Variants in SLC43A1 observed in about 807,000 individuals in gnomAD.
SLC43A1 encodes large neutral amino acids transporter small subunit 3.
In SLC43A1, 31 loss-of-function variants were observed where a neutral mutation model predicts 59.5. The ratio of observed to expected loss-of-function variants is 0.52; its 90% CI spans 0.39 to 0.70. The LOEUF (loss-of-function observed/expected upper bound fraction) is 0.70, where lower values mean the gene tolerates loss of function less well. Ranked by LOEUF, SLC43A1 falls within the 30% of genes least tolerant of loss-of-function variation. SLC43A1 has a pLI of 0.00. For synonymous variants in SLC43A1, 259 were observed against 290.9 expected (o/e 0.89, Z 1.12); for missense variants, 598 against 717.8 (o/e 0.83, Z 1.91).
intron 2 of SLC43A1, among the ~76,000 whole-genome samples, chr11:57,501,905 T>A (rs993360550): frequency 1.3e-5 from 2 of 152,208 alleles, no homozygotes; most frequent in African/African-American, 4.8e-5. Context: ...GATAGTCTGA[T>A]AAAATAATAG....
intron 5 of SLC43A1, 146 bp from the exon 6 acceptor site, chr11:57,497,991 A>AC (rs2135181688): frequency 1.7e-6 from 1 of 600,478 alleles, no homozygotes; most frequent in East Asian, 2.8e-5. Context: ...GGGAAACTGT[A>AC]CTCTGCCCCC....
rs764678946 is a variant in SLC43A1, at chr11:57,488,974, G to A, written c.1351C>T (p.Leu451=). The stretch of plus-strand genomic sequence containing the variant: ...AAGAAACCTCGAACAATGGTGTGCA[G>A]GACAAAGGTCACAAACTAAAACCAA... ...NLHLQFVTFV[L]HTIVRGFFHS... The change falls in exon 13 of 15, where the codon CTG becomes TTG. Residue 451 remains leucine (L), a synonymous_variant. Transcript: ENST00000278426. 1 of 1,614,136 alleles carries A rather than the reference G, an allele frequency of 6.2e-7. No homozygotes were observed. The highest frequency in any genetic ancestry group is 1.1e-5 in the South Asian group (1 of 91,090).
intron 7 of SLC43A1, among the ~76,000 whole-genome samples, chr11:57,495,099 C>T (rs972023757): frequency 6.6e-6 from 1 of 152,002 alleles, no homozygotes. Context: ...CCACCCTCTT[C>T]GGCCTCCCAA....
chr11:57,491,969 G>A (rs1826532397), intron 8 of SLC43A1, 107 bp from the exon 9 acceptor site: 1 of 1,077,294 alleles, frequency 9.3e-7, no homozygotes. Flanking sequence ...ATGTGACTTT[G>A]GAGAGAGACT....
At chr11:57,495,341 T>A (rs535363701) in intron 7 of SLC43A1, among the ~76,000 whole-genome samples, 1 of 151,308 alleles carries the variant, frequency 6.6e-6, no homozygotes, top group East Asian at 2.0e-4. Context: ...AATACAAAAA[T>A]TAGCTGGGTG....
chr11:57,497,246 C>G (rs1029092324), intron 6 of SLC43A1, among the ~76,000 whole-genome samples: 5 of 152,142 alleles, frequency 3.3e-5, no homozygotes, highest in Non-Finnish European at 7.4e-5. Context: ...AATTGAGGCC[C>G]CCATCTTGCA....
Position 57,489,323 on chromosome 11 carries a change from A to G in SLC43A1, c.1263T>C (p.Ser421=). Residue 421 remains serine, a synonymous_variant, in exon 12 of 15, where the codon AGT becomes AGC. Coordinates refer to ENST00000278426, the MANE Select transcript of SLC43A1 (RefSeq NM_003627.6). ...GCAGCAGGTTGGTCAGGGTGAAGGC[A>G]CTGATGGCATTGGTGAGCTTTTGGA... ...CKIQKLTNAI[S]AFTLTNLLLV... 1 of 1,614,178 alleles carries G rather than the reference A, an allele frequency of 6.2e-7. No individual in the cohort carries two copies. The highest frequency in any genetic ancestry group is 8.5e-7 in the Non-Finnish European group (1 of 1,180,038).
chr11:57,505,054 G>A (rs928902735), intron 2 of SLC43A1, among the ~76,000 whole-genome samples: 8 of 152,294 alleles, frequency 5.3e-5, no homozygotes, highest in South Asian at 4.1e-4. Flanking sequence ...CAAATAAAGC[G>A]AAGCATAGGA....
At chr11:57,495,564 C>G (rs191381542) in intron 7 of SLC43A1, among the ~76,000 whole-genome samples, 2 of 152,180 alleles carry the variant, frequency 1.3e-5, no homozygotes, top group Middle Eastern at 6.8e-3. Flanking sequence ...CAGTGGCTCA[C>G]GCCTGTAATC....
At chr11:57,513,261 A>G (rs1944598509) in intron 2 of SLC43A1, among the ~76,000 whole-genome samples, 1 of 152,234 alleles carries the variant, frequency 6.6e-6, no homozygotes, top group Non-Finnish European at 1.5e-5. Context: ...ATTTCCACCC[A>G]GCTCCTGAGG....
intron 13 of SLC43A1, 151 bp from the exon 14 acceptor site, chr11:57,487,369 C>T (rs1943771513): frequency 1.0e-6 from 1 of 983,458 alleles, no homozygotes; most frequent in Non-Finnish European, 1.5e-6. Context: ...TGGTCCCCAG[C>T]CTTGAGGGCA....
chr11:57,484,893 TG>T lies in SLC43A1; in HGVS notation c.*202del. On this transcript the variant is annotated 3_prime_UTR_variant, in exon 15 of 15. Transcript: ENST00000278426. ...TAGGATAGGGACTGTCTTCAGTCAA[TG>T]GAGCGTTGACTTAGGGGGCGTTTTT... The T allele has an allele frequency of 1.8e-6, 1 of 545,624 alleles. No individual in the cohort carries two copies. The highest frequency in any genetic ancestry group is 3.1e-6 in the Non-Finnish European group (1 of 321,858). The allele number at this position is 545,624 out of a possible 1,614,324, so 33.8% of individuals were successfully genotyped here. A position where few individuals can be genotyped will look rare whatever the true frequency, so the allele number is the denominator to read the frequency against.
chr11:57,487,058 T>G, intron 14 of SLC43A1, 37 bp downstream of exon 14: 1 of 1,600,260 alleles, frequency 6.2e-7, no homozygotes, highest in Non-Finnish European at 8.5e-7. Context: ...CCCAGGAGAG[T>G]GGCTCCTGCT....
intron 2 of SLC43A1, among the ~76,000 whole-genome samples, chr11:57,507,882 T>G (rs1200337254): frequency 6.6e-6 from 1 of 152,188 alleles, no homozygotes; most frequent in Non-Finnish European, 1.5e-5. Flanking sequence ...AGTCTGAAAT[T>G]TTATCTGCTT....
chr11:57,495,468 A>G (rs1360335990), intron 7 of SLC43A1, among the ~76,000 whole-genome samples: 2 of 152,042 alleles, frequency 1.3e-5, no homozygotes, highest in East Asian at 3.9e-4. Flanking sequence ...AAAAATAAAT[A>G]AATAAATAAA....
chr11:57,496,901 A>C (rs1459124794), intron 6 of SLC43A1, among the ~76,000 whole-genome samples: 1 of 152,200 alleles, frequency 6.6e-6, no homozygotes, highest in African/African-American at 2.4e-5. Context: ...TTTTCTCTGC[A>C]GTCTTGGACC....
Position 57,496,178 on chromosome 11 carries a change from G to A in SLC43A1, c.559-14C>T. 6.2e-7 allele frequency: 1 copy of A among 1,613,410 alleles called. No individual in the cohort carries two copies. The highest frequency in any genetic ancestry group is 1.7e-4 in the Middle Eastern group (1 of 5,976). On this transcript the variant is annotated splice_polypyrimidine_tract_variant and intron_variant, in intron 6 of 14. Coordinates refer to ENST00000278426, the MANE Select transcript of SLC43A1 (RefSeq NM_003627.6). Reference sequence around the variant, plus strand: ...ATCGTAGATCAGCTGTGAGAGGAGGGGGCAGGCCCGTGGGGGAGACTGCCT... The same window carrying A: ...ATCGTAGATCAGCTGTGAGAGGAGGAGGCAGGCCCGTGGGGGAGACTGCCT...
At chr11:57,486,195 A>G (rs541827545) in intron 14 of SLC43A1, among the ~76,000 whole-genome samples, 10 of 152,194 alleles carry the variant, frequency 6.6e-5, no homozygotes, top group African/African-American at 2.4e-4. Context: ...CTAAAAACAG[A>G]CTCCTAGGAG....
At chr11:57,488,474 T>A (rs1403370456) in intron 13 of SLC43A1, among the ~76,000 whole-genome samples, 1 of 152,138 alleles carries the variant, frequency 6.6e-6, no homozygotes, top group African/African-American at 2.4e-5. Context: ...TGTCATTTTG[T>A]CATCATTATT....
Sources: gnomAD v4.1 joint callset for allele counts (sites outside exome capture counted in the v4.1 genomes callset) on GRCh38, gnomAD v4.1.1 for gene constraint, MANE v1.5 for transcripts, NCBI Gene and HGNC (gene_info 2026-07-23, HGNC 2026-07-21) for gene names.